The following SI variants were observed in gnomAD, a reference collection of about 807,000 sequenced individuals.
The protein encoded by SI is sucrase-isomaltase.
In SI, 235 loss-of-function variants were observed where a neutral mutation model predicts 253.3. That is an observed-to-expected ratio of 0.93 (90% CI 0.83 to 1.03). The LOEUF (loss-of-function observed/expected upper bound fraction) is 1.03. Ranked by LOEUF, SI falls within the 50% of genes least tolerant of loss-of-function variation. The pLI, the probability that SI is intolerant of heterozygous loss-of-function variation, is 0.00. For missense variants in SI, 2,442 were observed against 2,211.1 expected, an observed-to-expected ratio of 1.10 and a Z score of -2.09; for synonymous variants, 819 against 712.0, an observed-to-expected ratio of 1.15 and a Z score of -2.39.
chr3:165,010,022 C>T (rs751514092), intron 34 of SI, among the ~76,000 whole-genome samples: 1 of 152,140 alleles, frequency 6.6e-6, no homozygotes, highest in Non-Finnish European at 1.5e-5. Flanking sequence ...AATGACATGA[C>T]AACCTGGATG....
chr3:165,045,848 ATTTTTT>A (rs74590097), intron 16 of SI, among the ~76,000 whole-genome samples: 13 of 120,792 alleles, frequency 1.1e-4, no homozygotes, highest in Non-Finnish European at 1.0e-4. Flanking sequence ...ATGTTTTTCA[ATTTTTT>A]TTTTTTTTTT....
the SI span, among the ~76,000 whole-genome samples, chr3:165,086,794 G>A: frequency 2.6e-5 from 4 of 152,304 alleles, no homozygotes; most frequent in African/African-American, 9.6e-5. Context: ...AGTGAGTAAG[G>A]AGTATGCCAC....
chr3:165,020,528 C>T (rs904655719), intron 27 of SI, among the ~76,000 whole-genome samples: 1 of 151,578 alleles, frequency 6.6e-6, no homozygotes, highest in African/African-American at 2.4e-5. Context: ...AATGACTTAG[C>T]TTCCCATGCT....
rs752079960 is a variant in SI, at chr3:165,032,558, G to A, written c.2700C>T (p.Asn900=). The change falls in exon 24 of 48, where the codon AAC becomes AAT. Residue 900 remains asparagine, a synonymous_variant. Transcript: ENST00000264382. ...VRVAENNQPM[N]AHSNFTYDAS... ...CATCATAAGTGAAATTGGAATGAGC[G>A]TTCATTGGTTGATTATTTTCCGCCA... 3.5e-5 allele frequency: 56 copies of A among 1,608,462 alleles called. No individual in the cohort carries two copies. The highest frequency in any genetic ancestry group is 5.0e-5 in the Admixed American group (3 of 59,586).
At position 164,982,091 on chromosome 3, in the gene SI, G is replaced by C. The variant is rs537183109; in HGVS notation, c.5415+152C>G. On this transcript the variant is annotated intron_variant, in intron 47 of 47. Transcript: ENST00000264382. Reference sequence around the variant, plus strand: ...GACAGTTTACTAAGGATAGTAATAAGGAAATAAATATGGAGGCCTAATGAA... The same window carrying C: ...GACAGTTTACTAAGGATAGTAATAACGAAATAAATATGGAGGCCTAATGAA... 5 of 614,230 alleles carry C rather than the reference G, an allele frequency of 8.1e-6. No individual in the cohort carries two copies. In the East Asian group the frequency reaches 1.4e-4, roughly 17 times the overall value. The allele number at this position is 614,230 out of a possible 1,614,324, so 38.0% of individuals were successfully genotyped here.
chr3:165,008,227 A>G (rs1211653972), intron 35 of SI, among the ~76,000 whole-genome samples: 3 of 151,904 alleles, frequency 2.0e-5, no homozygotes, highest in Non-Finnish European at 4.4e-5. Context: ...TCTCTGTATT[A>G]TGCATTATAC....
intron 3 of SI, among the ~76,000 whole-genome samples, chr3:165,070,524 AC>A (rs1206986828): frequency 6.6e-6 from 1 of 151,326 alleles, no homozygotes; most frequent in African/African-American, 2.4e-5. Flanking sequence ...CAGTTATCTA[AC>A]CTGTAGAAAT....
intron 7 of SI, 113 bp downstream of exon 7, chr3:165,065,148 C>T (rs1195800900): frequency 5.7e-6 from 4 of 704,298 alleles, no homozygotes; most frequent in Non-Finnish European, 9.8e-6. Context: ...GTATCAGTGA[C>T]ATTCAAATAG....
At chr3:165,073,145 G>C (rs1714692620) in intron 3 of SI, among the ~76,000 whole-genome samples, 1 of 149,294 alleles carries the variant, frequency 6.7e-6, no homozygotes. Flanking sequence ...GTTCCTAATA[G>C]AATTCTATGT....
At chr3:165,082,924 T>C (rs958519641), upstream of SI, among the ~76,000 whole-genome samples, 4 of 151,904 alleles carry the variant, frequency 2.6e-5, no homozygotes, top group African/African-American at 9.7e-5. Flanking sequence ...CTATAGAGGC[T>C]AGAGAAAGGA....
At chr3:165,015,627 A>C (rs546146827) in intron 32 of SI, among the ~76,000 whole-genome samples, 1 of 152,254 alleles carries the variant, frequency 6.6e-6, no homozygotes, top group Non-Finnish European at 1.5e-5. Context: ...ATGAACTAAT[A>C]ATTGTATAAA....
intron 25 of SI, among the ~76,000 whole-genome samples, chr3:165,025,846 AT>A (rs1292821803): frequency 6.6e-6 from 1 of 151,418 alleles, no homozygotes; most frequent in Non-Finnish European, 1.5e-5. Flanking sequence ...GGAGCTCTAA[AT>A]CTTGAAACAA....
chr3:165,076,994 T>TG (rs1468412848), intron 1 of SI, among the ~76,000 whole-genome samples: 1 of 150,954 alleles, frequency 6.6e-6, no homozygotes, highest in Non-Finnish European at 1.5e-5. Flanking sequence ...TTTTTTTTTT[T>TG]TGGTCTCACA....
intron 34 of SI, 109 bp from the exon 35 acceptor site, chr3:165,009,504 A>G: frequency 1.4e-6 from 1 of 716,326 alleles, no homozygotes; most frequent in South Asian, 1.5e-5. Flanking sequence ...ACTGATAATG[A>G]AGGAAATTGA....
At chr3:165,071,518 T>A (rs963131619) in intron 3 of SI, among the ~76,000 whole-genome samples, 1 of 151,608 alleles carries the variant, frequency 6.6e-6, no homozygotes, top group Non-Finnish European at 1.5e-5. Flanking sequence ...TAATTTCATA[T>A]GTAATAATAT....
At chr3:165,021,431 C>T (rs777367527) in intron 26 of SI, 48 bp from the exon 27 acceptor site, 1 of 1,403,544 alleles carries the variant, frequency 7.1e-7, no homozygotes, top group East Asian at 2.3e-5. Flanking sequence ...GCTGACATAG[C>T]ATGTACATAT....
intron 20 of SI, among the ~76,000 whole-genome samples, chr3:165,038,760 G>A (rs1185468780): frequency 3.3e-5 from 5 of 151,694 alleles, no homozygotes; most frequent in Admixed American, 6.6e-5. Flanking sequence ...TGTAAAATAG[G>A]AAAAAGCATT....
At chr3:165,057,910 T>G (rs536021026) in intron 12 of SI, among the ~76,000 whole-genome samples, 1 of 152,008 alleles carries the variant, frequency 6.6e-6, no homozygotes, top group Non-Finnish European at 1.5e-5. Flanking sequence ...AAACATTGTC[T>G]TTAATCTTTA....
rs1576886534 is a variant in SI at position 165,015,888 on chromosome 3, C to G, written c.3888+64G>C. The stretch of plus-strand genomic sequence containing the variant: ...TATTTTGAAACATCTTCCCCCCCAC[C>G]TGCTCATTTTAGGTGAATTAATGGA... On this transcript the variant is annotated intron_variant, in intron 32 of 47. Coordinates refer to ENST00000264382, the MANE Select transcript of SI (RefSeq NM_001041.4). 6.4e-6 allele frequency: 9 copies of G among 1,407,506 alleles called. No individual in the cohort carries two copies. In the East Asian group the frequency reaches 2.1e-4, roughly 32 times the overall value. The allele number at this position is 1,407,506 out of a possible 1,614,324, so 87.2% of individuals were successfully genotyped here.
Sources: allele counts gnomAD v4.1 joint callset (sites outside exome capture counted in the v4.1 genomes callset), GRCh38; gene constraint gnomAD v4.1.1; transcripts MANE v1.5; gene names NCBI Gene and HGNC (gene_info 2026-07-23, HGNC 2026-07-21).